Variants in CECR2 observed in about 807,000 individuals in gnomAD.
The protein encoded by CECR2 is chromatin remodeling regulator CECR2.
In CECR2, 30 loss-of-function variants were observed where a neutral mutation model predicts 154.5. The observed-to-expected ratio is 0.19, with a 90% CI of 0.15 to 0.26. CECR2 has a LOEUF of 0.26. Among genes scored for constraint, CECR2 ranks in the 10% least tolerant of loss-of-function variants. The pLI, the probability that CECR2 is intolerant of heterozygous loss-of-function variation, is 1.00. For synonymous variants in CECR2, 725 were observed against 683.7 expected (o/e 1.06, Z -0.94); for missense variants, 1,743 against 1,829.3 (o/e 0.95, Z 0.86).
intron 1 of CECR2, among the ~76,000 whole-genome samples, chr22:17,426,917 C>T (rs772009259): frequency 6.7e-6 from 1 of 149,612 alleles, no homozygotes; most frequent in Non-Finnish European, 1.5e-5. Flanking sequence ...GCACAACATG[C>T]AGGTTTGTTA....
intron 8 of CECR2, 49 bp downstream of exon 8, chr22:17,511,945 C>T (rs373328675): frequency 2.1e-4 from 287 of 1,391,990 alleles, no homozygotes; most frequent in Non-Finnish European, 2.5e-4. Flanking sequence ...ATGAAAGAGA[C>T]GGATCCTTTT....
chr22:17,502,963 A>AAC (rs764294379), intron 5 of CECR2, 119 bp from the exon 6 acceptor site: 6 of 805,862 alleles, frequency 7.4e-6, no homozygotes, highest in Non-Finnish European at 1.2e-5. Context: ...TTGTCCCCTT[A>AAC]ACACACACAC....
In CECR2 at chr22:17,504,914, C is replaced by T. The variant is rs1369093419; in HGVS notation, c.768C>T (p.Val256=). Residue 256 remains valine (V), a synonymous_variant, in exon 7 of 19, where the codon GTC becomes GTT. Transcript: ENST00000262608. The part of the protein sequence containing the change: ...LCQTEEEWRQ[V]TESFRERTSL... ...AGACAGAAGAGGAATGGAGACAGGT[C>T]ACCGAGAGTTTTCGCGAGAGGACCT... 2 of 1,613,820 alleles carry T rather than the reference C, an allele frequency of 1.2e-6. No individual in the cohort carries two copies. Among genetic ancestry groups the T allele is most frequent in the African/African-American group, 1.3e-5 (1 of 75,012 alleles).
intron 1 of CECR2, among the ~76,000 whole-genome samples, chr22:17,380,086 C>T (rs1220081808): frequency 6.6e-6 from 1 of 151,900 alleles, no homozygotes; most frequent in African/African-American, 2.4e-5. Flanking sequence ...CTTCTACTCC[C>T]TTGTGCTCTA....
At chr22:17,404,560 A>C (rs1399445548) in intron 1 of CECR2, among the ~76,000 whole-genome samples, 1 of 140,452 alleles carries the variant, frequency 7.1e-6, no homozygotes, top group African/African-American at 2.8e-5. Context: ...TTTTTAGTAG[A>C]GACGGGGTTT....
At chr22:17,499,012 CAG>C (rs1235822419) in intron 3 of CECR2, among the ~76,000 whole-genome samples, 2 of 151,496 alleles carry the variant, frequency 1.3e-5, no homozygotes, top group Non-Finnish European at 2.9e-5. Flanking sequence ...TTGTTTGAGA[CAG>C]AGTCTCTCTC....
chr22:17,533,700 T>TTTTGTTTG (rs34947830), intron 9 of CECR2, among the ~76,000 whole-genome samples: 1,742 of 150,044 alleles, frequency 0.012, 19 homozygotes, highest in African/African-American at 0.035. Flanking sequence ...AAGGGCCTTT[T>TTTTGTTTG]TTTGTTTGTT....
In CECR2 at chr22:17,469,842, T is replaced by C. The variant is rs546538450; in HGVS notation, c.127-7746T>C. On this transcript the variant is annotated intron_variant, in intron 1 of 18. Coordinates refer to ENST00000262608, the MANE Select transcript of CECR2 (RefSeq NM_001290047.2). The stretch of plus-strand genomic sequence containing the variant: ...GCATTTCAGCTGGCCTTTCAGCTAT[T>C]GCTGTCCTCATAGCAGCATGCCTCT... 2.6e-5 allele frequency among the ~76,000 whole-genome samples: 4 copies of C among 152,356 alleles called. 1 individual carries two copies. The South Asian group carries it at 8.3e-4, about 32-fold the overall frequency.
chr22:17,381,891 T>TTG (rs1555900167), intron 1 of CECR2, among the ~76,000 whole-genome samples: 10 of 148,414 alleles, frequency 6.7e-5, no homozygotes, highest in African/African-American at 2.6e-4. Flanking sequence ...CACATTTTTT[T>TTG]TTTTTGTTTT....
At chr22:17,454,604 C>CAAAA (rs533818885) in intron 1 of CECR2, among the ~76,000 whole-genome samples, 11 of 88,498 alleles carry the variant, frequency 1.2e-4, no homozygotes, top group African/African-American at 4.0e-4. Flanking sequence ...GACTCCGTCT[C>CAAAA]AAAAAAAAAA....
intron 1 of CECR2, among the ~76,000 whole-genome samples, chr22:17,428,826 GTA>G (rs1555908344): frequency 2.0e-5 from 3 of 150,706 alleles, no homozygotes; most frequent in African/African-American, 4.9e-5. Context: ...GTGTGTGTGT[GTA>G]TATAAAGGCA....
At position 17,504,713 on chromosome 22, in the gene CECR2, T is replaced by C. The variant is rs550446599; in HGVS notation, c.701-134T>C. 345 of 673,504 alleles carry C rather than the reference T, an allele frequency of 5.1e-4. 1 individual carries two copies. The highest frequency in any genetic ancestry group is 3.4e-3 in the South Asian group (174 of 50,646). The allele number at this position is 673,504 out of a possible 1,614,324, so 41.7% of individuals were successfully genotyped here. On this transcript the variant is annotated intron_variant, in intron 6 of 18. Coordinates refer to ENST00000262608, the MANE Select transcript of CECR2 (RefSeq NM_001290047.2). ...GCCTCGGCCTCCCAAAGTGCTGGGA[T>C]TACAGGCTTGAGCCACCGCGCCCGG...
At chr22:17,500,994 A>G (rs909747873) in intron 5 of CECR2, among the ~76,000 whole-genome samples, 1 of 152,182 alleles carries the variant, frequency 6.6e-6, no homozygotes, top group African/African-American at 2.4e-5. Flanking sequence ...ATATTGAACA[A>G]GACAGTTTTT....
chr22:17,399,128 G>C (rs2053855250), intron 1 of CECR2, among the ~76,000 whole-genome samples: 2 of 152,166 alleles, frequency 1.3e-5, no homozygotes, highest in South Asian at 4.1e-4. Context: ...GATCTGAGTT[G>C]GTCAAGTTCA....
At chr22:17,418,033 A>G (rs1397819634) in intron 1 of CECR2, among the ~76,000 whole-genome samples, 1 of 152,238 alleles carries the variant, frequency 6.6e-6, no homozygotes, top group Non-Finnish European at 1.5e-5. Flanking sequence ...TTTGTATACA[A>G]TTAATTACAC....
intron 1 of CECR2, among the ~76,000 whole-genome samples, chr22:17,440,520 A>C (rs190288993): frequency 3.9e-5 from 6 of 152,282 alleles, no homozygotes; most frequent in Admixed American, 6.5e-5. Flanking sequence ...AGGAACTAAA[A>C]TTTGAGTGGA....
chr22:17,531,816 C>G (rs770901863), intron 9 of CECR2, among the ~76,000 whole-genome samples: 1 of 152,182 alleles, frequency 6.6e-6, no homozygotes, highest in South Asian at 2.1e-4. Flanking sequence ...GGTGGATTAC[C>G]CTGAGAGGAT....
intron 17 of CECR2, among the ~76,000 whole-genome samples, chr22:17,550,641 A>G (rs1241504806): frequency 1.3e-5 from 2 of 152,210 alleles, no homozygotes; most frequent in Non-Finnish European, 2.9e-5. Context: ...ATCGATAGAT[A>G]CAAATGAAAG....
intron 1 of CECR2, among the ~76,000 whole-genome samples, chr22:17,389,793 A>G (rs1488280829): frequency 6.6e-6 from 1 of 151,938 alleles, no homozygotes; most frequent in African/African-American, 2.4e-5. Flanking sequence ...ACGCCCGGCT[A>G]ATTTTTGTGT....
Sources: allele counts gnomAD v4.1 joint callset (sites outside exome capture counted in the v4.1 genomes callset), GRCh38; gene constraint gnomAD v4.1.1; transcripts MANE v1.5; gene names NCBI Gene and HGNC (gene_info 2026-07-23, HGNC 2026-07-21).